PLAUR: variants seen among roughly 807,000 people sequenced by gnomAD.
The protein encoded by PLAUR is urokinase plasminogen activator surface receptor.
In PLAUR, 22 loss-of-function variants were observed where a neutral mutation model predicts 33.4. The ratio of observed to expected loss-of-function variants is 0.66; its 90% CI spans 0.47 to 0.94. The LOEUF (loss-of-function observed/expected upper bound fraction) is 0.94. PLAUR is among the 40% of genes least tolerant of loss of function. The pLI is 0.00. For synonymous variants in PLAUR, 148 were observed against 167.3 expected, an observed-to-expected ratio of 0.88 and a Z score of 0.89; for missense variants, 408 against 434.7, an observed-to-expected ratio of 0.94 and a Z score of 0.55.
At chr19:43,650,962 G>A (rs984459012) in intron 6 of PLAUR, among the ~76,000 whole-genome samples, 1 of 151,536 alleles carries the variant, frequency 6.6e-6, no homozygotes, top group Non-Finnish European at 1.5e-5. Flanking sequence ...GAACCCAGGA[G>A]GGGGAGGTTG....
intron 6 of PLAUR, among the ~76,000 whole-genome samples, chr19:43,651,422 T>G (rs545217569): frequency 1.3e-5 from 2 of 151,400 alleles, no homozygotes; most frequent in African/African-American, 4.9e-5. Flanking sequence ...AAATCACTGA[T>G]ATAAACAATA....
In PLAUR at chr19:43,667,704, GGGAGA is replaced by G. The variant is rs949199544; in HGVS notation, c.56-18_56-14del. 6.8e-6 allele frequency: 11 copies of G among 1,612,916 alleles called. No individual in the cohort carries two copies. The highest frequency in any genetic ancestry group is 6.7e-5 in the African/African-American group (5 of 74,882). On this transcript the variant is annotated splice_polypyrimidine_tract_variant and intron_variant, in intron 1 of 6. Transcript: ENST00000340093. Reference sequence around the variant, plus strand: ...AGGCCCCAAGAGGCTGGGGGAAGGAGGGAGAGGAGAGGAGAGGTTAACTACGCTTA... The same window carrying G: ...AGGCCCCAAGAGGCTGGGGGAAGGAGGGAGAGGAGAGGTTAACTACGCTTA...
At chr19:43,652,167 C>T (rs763021885) in intron 6 of PLAUR, 58 bp downstream of exon 6, 43 of 1,594,508 alleles carry the variant, frequency 2.7e-5, no homozygotes, top group Middle Eastern at 2.0e-4. Flanking sequence ...AAGTCAATCT[C>T]TTGCGGAACT....
intron 5 of PLAUR, among the ~76,000 whole-genome samples, chr19:43,653,929 T>C (rs1042846238): frequency 2.0e-5 from 3 of 152,186 alleles, no homozygotes; most frequent in African/African-American, 2.4e-5. Context: ...ATCGAGATCA[T>C]CCTGGCTAAC....
intron 1 of PLAUR, chr19:43,667,973 T>A: frequency 7.8e-7 from 1 of 1,276,904 alleles, no homozygotes; most frequent in South Asian, 1.8e-5. Flanking sequence ...GTGAGGCGTA[T>A]ATCCTGACAG....
At chr19:43,654,572 C>A (rs896316807) in intron 5 of PLAUR, among the ~76,000 whole-genome samples, 1 of 151,752 alleles carries the variant, frequency 6.6e-6, no homozygotes, top group African/African-American at 2.4e-5. Flanking sequence ...CCATCTCTAC[C>A]AAAAATACAA....
intron 6 of PLAUR, among the ~76,000 whole-genome samples, chr19:43,649,467 GA>G (rs780340566): frequency 1.3e-5 from 2 of 151,692 alleles, no homozygotes; most frequent in Non-Finnish European, 2.9e-5. Context: ...TTGAGCTCAG[GA>G]GATGGAGGCT....
intron 6 of PLAUR, among the ~76,000 whole-genome samples, chr19:43,649,535 G>A (rs981020737): frequency 2.2e-5 from 3 of 133,570 alleles, no homozygotes; most frequent in African/African-American, 8.2e-5. Flanking sequence ...GTGAGACCCT[G>A]TTTCAAAAAA....
At position 43,655,577 on chromosome 19, in the gene PLAUR, T is replaced by A; in HGVS notation, c.473-4A>T. The A allele has an allele frequency of 1.2e-6, 2 of 1,613,574 alleles. No homozygotes were observed. The highest frequency in any genetic ancestry group is 1.7e-6 in the Non-Finnish European group (2 of 1,179,736). On this transcript the variant is annotated splice_polypyrimidine_tract_variant and splice_region_variant and intron_variant, in intron 4 of 6. Coordinates refer to ENST00000340093, the MANE Select transcript of PLAUR (RefSeq NM_002659.4). Reference sequence around the variant, plus strand: ...TGGCGGTCATCCTTTGGACGCCCTATGGGGGCCAGGGGACAGAGGTCAGAT... The same window carrying A: ...TGGCGGTCATCCTTTGGACGCCCTAAGGGGGCCAGGGGACAGAGGTCAGAT...
chr19:43,657,968 C>T (rs535341088), intron 3 of PLAUR, among the ~76,000 whole-genome samples: 8 of 151,494 alleles, frequency 5.3e-5, no homozygotes, highest in East Asian at 1.9e-4. Context: ...TTTGGGAGGC[C>T]GAGGTGGGAG....
intron 6 of PLAUR, among the ~76,000 whole-genome samples, chr19:43,650,487 A>G (rs531584387): frequency 6.6e-6 from 1 of 151,666 alleles, no homozygotes; most frequent in South Asian, 2.1e-4. Context: ...CACCATGCCC[A>G]GCTAACTTTT....
chr19:43,650,008 CT>C (rs200384971), intron 6 of PLAUR, among the ~76,000 whole-genome samples: 1 of 137,304 alleles, frequency 7.3e-6, no homozygotes, highest in Non-Finnish European at 1.5e-5. Flanking sequence ...TCTCATTACG[CT>C]TTTTTTTTGT....
intron 6 of PLAUR, among the ~76,000 whole-genome samples, chr19:43,650,727 T>C (rs1431875725): frequency 6.6e-6 from 1 of 152,192 alleles, no homozygotes; most frequent in African/African-American, 2.4e-5. Flanking sequence ...AATTCATAAA[T>C]AAATCTTTAA....
At chr19:43,662,149 A>G (rs1462630267) in intron 3 of PLAUR, among the ~76,000 whole-genome samples, 1 of 151,210 alleles carries the variant, frequency 6.6e-6, no homozygotes, top group East Asian at 1.9e-4. Context: ...CCCCTCATCT[A>G]CTCTTGCTTC....
intron 1 of PLAUR, chr19:43,668,373 T>C (rs1568567278): frequency 2.2e-6 from 2 of 913,826 alleles, no homozygotes; most frequent in Non-Finnish European, 2.6e-6. Flanking sequence ...CCCCGCCCTT[T>C]AGCTCTTCCT....
chr19:43,668,388 T>C, intron 1 of PLAUR: 1 of 823,964 alleles, frequency 1.2e-6, no homozygotes, highest in Non-Finnish European at 1.5e-6. Flanking sequence ...CTTCCTGACC[T>C]TATCTTCCCG....
rs745323133 is a variant in PLAUR, at chr19:43,649,686, GAGGA to G, written c.755-547_755-544del. Among the ~76,000 whole-genome samples the G allele has an allele frequency of 9.3e-4, 138 of 149,002 alleles. 2 individuals are homozygous for G. The highest frequency in any genetic ancestry group is 1.0e-3 in the African/African-American group (41 of 40,500). ...GGAGAAGGGAAAGAAGGAAGGAAGGGAGGAAGGAAGGAAGAAAGAAAGAAAGAAA... is the reference window on the plus strand; with the variant it reads ...GGAGAAGGGAAAGAAGGAAGGAAGGGAGGAAGGAAGAAAGAAAGAAAGAAA... On this transcript the variant is annotated intron_variant, in intron 6 of 6. Transcript: ENST00000340093.
downstream of PLAUR, among the ~76,000 whole-genome samples, chr19:43,647,866 C>T (rs900512063): frequency 8.0e-5 from 12 of 149,768 alleles, no homozygotes; most frequent in South Asian, 2.1e-4. Context: ...TGTGGCTTGA[C>T]GGTGAAGGAC....
At chr19:43,659,372 C>T (rs975953262) in intron 3 of PLAUR, among the ~76,000 whole-genome samples, 8 of 152,074 alleles carry the variant, frequency 5.3e-5, no homozygotes, top group South Asian at 2.1e-4. Flanking sequence ...AGGCTAGTCT[C>T]GAACTCCTGG....
Sources: allele counts gnomAD v4.1 joint callset (sites outside exome capture counted in the v4.1 genomes callset), GRCh38; gene constraint gnomAD v4.1.1; transcripts MANE v1.5; gene names NCBI Gene and HGNC (gene_info 2026-07-23, HGNC 2026-07-21).